FANCD2: variants seen among roughly 807,000 people sequenced by gnomAD.
FANCD2 encodes Fanconi anemia group D2 protein.
FANCD2 carries 131 observed loss-of-function variants against 192.3 expected under a neutral mutation model. The ratio of observed to expected loss-of-function variants is 0.68; its 90% CI spans 0.59 to 0.79. FANCD2 has a LOEUF of 0.79. FANCD2 is among the 30% of genes least tolerant of loss of function. FANCD2 has a pLI of 0.00. For synonymous variants in FANCD2, 524 were observed against 612.5 expected, an observed-to-expected ratio of 0.86 and a Z score of 2.13; for missense variants, 1,508 against 1,701.6, an observed-to-expected ratio of 0.89 and a Z score of 2.00.
At chr3:10,089,995 G>T (rs1045429074) in intron 36 of FANCD2, among the ~76,000 whole-genome samples, 3 of 152,110 alleles carry the variant, frequency 2.0e-5, no homozygotes, top group Non-Finnish European at 4.4e-5. Flanking sequence ...AAGCTTACAC[G>T]TGCAATAAAA....
At chr3:10,047,761 G>A (rs2087066305) in intron 15 of FANCD2, among the ~76,000 whole-genome samples, 156 bp from the exon 16 acceptor site, 1 of 152,110 alleles carries the variant, frequency 6.6e-6, no homozygotes, top group Non-Finnish European at 1.5e-5. Context: ...GAATGATGAA[G>A]GATTATTTTT....
At chr3:10,043,688 T>C in intron 13 of FANCD2, 96 bp downstream of exon 13, 1 of 1,332,844 alleles carries the variant, frequency 7.5e-7, no homozygotes, top group Non-Finnish European at 1.1e-6. Context: ...ATCTCAAAAC[T>C]CATTCAAGTG....
At chr3:10,078,033 GAAATGACTAGGA>G in intron 29 of FANCD2, 36 bp from the exon 30 acceptor site, 1 of 1,278,020 alleles carries the variant, frequency 7.8e-7, no homozygotes. Flanking sequence ...AAATTATCAT[GAAATGACTAGGA>G]CATTCCTGGA....
At chr3:10,069,824 C>G (rs1693079562) in intron 26 of FANCD2, among the ~76,000 whole-genome samples, 1 of 152,142 alleles carries the variant, frequency 6.6e-6, no homozygotes, top group African/African-American at 2.4e-5. Context: ...ACCTCCACCT[C>G]CCAGCCACCT....
chr3:10,071,884 T>C (rs6785127), intron 26 of FANCD2, among the ~76,000 whole-genome samples: 36,091 of 151,196 alleles, frequency 0.24, 5,593 homozygotes, highest in African/African-American at 0.45. Flanking sequence ...CTCAGCCTCC[T>C]GAGTAGCCGG....
chr3:10,035,156 T>C lies in FANCD2; in HGVS notation c.378-17T>C, dbSNP rs777510450. 1 of 1,574,654 alleles carries C rather than the reference T, an allele frequency of 6.4e-7. No individual in the cohort carries two copies. The highest frequency in any genetic ancestry group is 8.7e-7 in the Non-Finnish European group (1 of 1,154,996). On this transcript the variant is annotated splice_polypyrimidine_tract_variant and intron_variant, in intron 5 of 43. Transcript: ENST00000675286. ...AAGGAAAGCAAAGTGGAAAACAGAT[T>C]TCTTTTTTTTTTACAGTATGGGTGC... is the stretch of plus-strand genomic sequence containing the variant.
At chr3:10,071,442 A>T (rs1182917843) in intron 26 of FANCD2, among the ~76,000 whole-genome samples, 2 of 152,204 alleles carry the variant, frequency 1.3e-5, no homozygotes, top group Non-Finnish European at 2.9e-5. Context: ...AAGCAACCTA[A>T]GTGTCCATCA....
intron 29 of FANCD2, among the ~76,000 whole-genome samples, chr3:10,075,899 T>G (rs1693511394): frequency 6.6e-6 from 1 of 151,686 alleles, no homozygotes; most frequent in Non-Finnish European, 1.5e-5. Context: ...CCTGGCTAAT[T>G]TTTTGTATTT....
At chr3:10,096,503 C>T (rs745620718) in intron 42 of FANCD2, 31 bp downstream of exon 42, 19 of 1,609,800 alleles carry the variant, frequency 1.2e-5, no homozygotes, top group Non-Finnish European at 1.5e-5. Flanking sequence ...GTGATAATCC[C>T]CTACTCTTAT....
At chr3:10,033,396 C>T (rs950960913) in intron 3 of FANCD2, among the ~76,000 whole-genome samples, 5 of 151,854 alleles carry the variant, frequency 3.3e-5, no homozygotes, top group African/African-American at 9.7e-5. Context: ...AGTGAGACTC[C>T]ATTTCCAAAA....
intron 14 of FANCD2, among the ~76,000 whole-genome samples, chr3:10,044,621 G>A (rs549674160): frequency 3.3e-5 from 5 of 152,126 alleles, no homozygotes; most frequent in African/African-American, 1.2e-4. Flanking sequence ...AGTTCCTTAG[G>A]TGCTGATTGG....
intron 23 of FANCD2, 62 bp from the exon 24 acceptor site, chr3:10,065,332 C>T (rs1177942316): frequency 9.4e-7 from 1 of 1,068,490 alleles, no homozygotes; most frequent in Non-Finnish European, 1.5e-6. Flanking sequence ...GTAATATCTC[C>T]CTATGTACGT....
intron 7 of FANCD2, among the ~76,000 whole-genome samples, chr3:10,037,909 C>T (rs1420726478): frequency 6.6e-6 from 1 of 152,060 alleles, no homozygotes; most frequent in African/African-American, 2.4e-5. Context: ...AATAGTGTAC[C>T]TTTCTGGAAT....
Position 10,043,504 on chromosome 3 carries a change from G to A in FANCD2, c.1010G>A (p.Ser337Asn), listed in dbSNP as rs781127846. 3 of 1,613,774 alleles carry A rather than the reference G, an allele frequency of 1.9e-6. No individual in the cohort carries two copies. The South Asian group carries it at 3.3e-5, about 18-fold the overall frequency. The change falls in exon 13 of 44, where the codon AGC becomes AAC. Residue 337 changes from serine (S) to asparagine (N), a missense_variant. Ser to Asn is a conservative substitution (Grantham distance 46). Coordinates refer to ENST00000675286, the MANE Select transcript of FANCD2 (RefSeq NM_001018115.3). ...TGTAGTTCCTCAGGAAATCAAGAAA[G>A]CAGCGGTCAGAGCTGTATTATTCTC... is the stretch of plus-strand genomic sequence containing the variant. ...GRASSSGNQE[S>N]SGQSCIILLF...
rs1293864654 is a variant in FANCD2 at position 10,096,346 on chromosome 3, C to T, written c.4059C>T (p.Leu1353=). 3.7e-6 allele frequency: 6 copies of T among 1,613,996 alleles called. No individual in the cohort carries two copies. Among genetic ancestry groups the T allele is most frequent in the Non-Finnish European group, 4.2e-6 (5 of 1,179,982 alleles). ...TTCAGATTCACCAGGACACGAGACT[C>T]ACCCAACATGTGCCTCTGCTCAAAA... ...GHSKIHQDTR[L]TQHVPLLKKT... Residue 1353 remains leucine (L), a synonymous_variant, in exon 42 of 44, where the codon CTC becomes CTT. Transcript: ENST00000675286.
intron 7 of FANCD2, among the ~76,000 whole-genome samples, chr3:10,038,754 T>C (rs2086791247): frequency 6.6e-6 from 1 of 151,964 alleles, no homozygotes. Context: ...CTAATTTTTG[T>C]ATTTTTAGTA....
chr3:10,086,150 ACT>A (rs1272119770), intron 33 of FANCD2, among the ~76,000 whole-genome samples: 2 of 152,172 alleles, frequency 1.3e-5, no homozygotes, highest in African/African-American at 2.4e-5. Flanking sequence ...CAGCCCATAA[ACT>A]CAGCCTTTTC....
At chr3:10,092,597 A>G (rs1238608849) in intron 38 of FANCD2, among the ~76,000 whole-genome samples, 2 of 149,482 alleles carry the variant, frequency 1.3e-5, no homozygotes, top group Non-Finnish European at 3.0e-5. Flanking sequence ...TCCTTTAAAC[A>G]CACTGTGCTC....
At chr3:10,034,946 A>C in intron 5 of FANCD2, 148 bp downstream of exon 5, 1 of 756,546 alleles carries the variant, frequency 1.3e-6, no homozygotes, top group South Asian at 1.5e-5. Context: ...TAAAATTCCT[A>C]AGCTTGTGGT....
Sources: gnomAD v4.1 joint callset for allele counts (sites outside exome capture counted in the v4.1 genomes callset) on GRCh38, gnomAD v4.1.1 for gene constraint, MANE v1.5 for transcripts, NCBI Gene and HGNC (gene_info 2026-07-23, HGNC 2026-07-21) for gene names.